Variants in MAN2A2 observed in about 807,000 individuals in gnomAD.
MAN2A2 encodes mannosidase alpha class 2A member 2.
A neutral mutation model predicts 126.8 loss-of-function variants in MAN2A2; 79 were observed. The observed-to-expected ratio is 0.62, with a 90% CI of 0.52 to 0.75. MAN2A2 has a LOEUF of 0.75. MAN2A2 is among the 30% of genes least tolerant of loss of function. MAN2A2 has a pLI of 0.00. For missense variants in MAN2A2, 1,392 were observed against 1,522.4 expected (o/e 0.91, Z 1.43); for synonymous variants, 671 against 618.7 (o/e 1.08, Z -1.25).
At position 90,919,797 on chromosome 15, in the gene MAN2A2, T is replaced by C; in HGVS notation, c.*10T>C. 6.2e-7 allele frequency: 1 copy of C among 1,613,844 alleles called. No homozygotes were observed. Among genetic ancestry groups the C allele is most frequent in the Non-Finnish European group, 8.5e-7 (1 of 1,179,808 alleles). On this transcript the variant is annotated 3_prime_UTR_variant, in exon 23 of 23. Transcript: ENST00000559717. ...CCTCCGCTTGGGTTAGGGCTTCTTG[T>C]GGCCTGAAGAGAAAGTTCATTCACA...
Position 90,904,171 on chromosome 15 carries a change from A to T in MAN2A2, c.-18-19A>T. On this transcript the variant is annotated intron_variant, in intron 1 of 22. Transcript: ENST00000559717. ...GGCATTTTGCATGTTGGAGCTACAG[A>T]TGGTGTCCTTCCTGCCAGGTGTGTG... The T allele has an allele frequency of 1.9e-6, 3 of 1,613,990 alleles. No homozygotes were observed. Among genetic ancestry groups the T allele is most frequent in the Non-Finnish European group, 1.7e-6 (2 of 1,179,904 alleles).
In MAN2A2 at chr15:90,905,329, A is replaced by G. The variant is rs1214570998; in HGVS notation, c.211A>G (p.Ile71Val). The change falls in exon 3 of 23, where the codon ATC (isoleucine) becomes GTC (valine). Residue 71 changes from isoleucine to valine, a missense_variant. Coordinates refer to ENST00000559717, the MANE Select transcript of MAN2A2 (RefSeq NM_006122.4). ...GGAGAACCATGAGATTATCAGCCAT[A>G]TCAAGGACTCCGTGCTGGAGCTGAC... ...LEENHEIISHIKDSVLELTAN... is the reference protein window; with the variant it reads ...LEENHEIISHVKDSVLELTAN... 1.9e-6 allele frequency: 3 copies of G among 1,613,924 alleles called. No homozygotes were observed. In the Admixed American group the frequency reaches 5.0e-5, roughly 27 times the overall value.
chr15:90,908,439 A>C (rs903269603), intron 8 of MAN2A2, among the ~76,000 whole-genome samples: 4 of 152,240 alleles, frequency 2.6e-5, no homozygotes, highest in African/African-American at 9.6e-5. Context: ...CTGATGTGCC[A>C]CAGGGCTGTT....
Position 90,910,681 on chromosome 15 carries a change from C to T in MAN2A2, c.1758C>T (p.Val586=), listed in dbSNP as rs2034656698. The T allele has an allele frequency of 6.2e-7, 1 of 1,613,638 alleles. No individual in the cohort carries two copies. Among genetic ancestry groups the T allele is most frequent in the South Asian group, 1.1e-5 (1 of 91,076 alleles). ...AGGCTGTGGTGGTGGACTATGGGGTCAGGTGGGAGCCTTCTCTTTTCCCTT... is the reference window on the plus strand; with the variant it reads ...AGGCTGTGGTGGTGGACTATGGGGTTAGGTGGGAGCCTTCTCTTTTCCCTT... ...AKEAVVVDYG[V]RLLRSLVNLK... The change falls in exon 11 of 23, where the codon GTC becomes GTT. Residue 586 remains valine, a splice_region_variant and synonymous_variant. Coordinates refer to ENST00000559717, the MANE Select transcript of MAN2A2 (RefSeq NM_006122.4).
rs200739221 is a variant in MAN2A2, at chr15:90,905,486, G to A, written c.368G>A (p.Arg123Gln). 60 of 1,613,872 alleles carry A rather than the reference G, an allele frequency of 3.7e-5. No homozygotes were observed. Among genetic ancestry groups the A allele is most frequent in the Non-Finnish European group, 4.6e-5 (54 of 1,180,030 alleles). ...GACTGCCAGTTTGCTTTGGGGGGCC[G>A]GGGTCAGAAGCCAGAGCTGCAGGTA... ...PQDCQFALGG[R>Q]GQKPELQMLT... Residue 123 changes from arginine to glutamine, a missense_variant, in exon 3 of 23, where the codon CGG (arginine) becomes CAG (glutamine). Coordinates refer to ENST00000559717, the MANE Select transcript of MAN2A2 (RefSeq NM_006122.4).
intron 22 of MAN2A2, 103 bp from the exon 23 acceptor site, chr15:90,919,532 C>G: frequency 7.1e-7 from 1 of 1,406,586 alleles, no homozygotes; most frequent in Non-Finnish European, 9.8e-7. Context: ...AGCCACTGCC[C>G]CTGGCTGAGA....
At chr15:90,915,163 T>C (rs573709692) in intron 19 of MAN2A2, among the ~76,000 whole-genome samples, 13 of 152,376 alleles carry the variant, frequency 8.5e-5, no homozygotes, top group African/African-American at 3.1e-4. Flanking sequence ...TCACTGGATC[T>C]TCTCCTCTCC....
chr15:90,909,605 C>CCTTTT (rs1491374744), intron 9 of MAN2A2, 101 bp downstream of exon 9: 6 of 849,456 alleles, frequency 7.1e-6, no homozygotes, highest in Non-Finnish European at 8.3e-6. Flanking sequence ...GGGTGCCCCC[C>CCTTTT]TTTTTTTTTT....
rs567061639 is a variant in MAN2A2 at position 90,906,873 on chromosome 15, T to C, written c.969T>C (p.Ala323=). The change falls in exon 7 of 23, where the codon GCT becomes GCC. Residue 323 remains alanine (A), a synonymous_variant. Transcript: ENST00000559717. Reference sequence around the variant, plus strand: ...ACTATGCCATCAAGAAGCACTTTGCTGCCACCCACAGCCTAGAGTTCATGT... The same window carrying C: ...ACTATGCCATCAAGAAGCACTTTGCCGCCACCCACAGCCTAGAGTTCATGT... ...RVHYAIKKHF[A]ATHSLEFMWR... 2 of 1,614,072 alleles carry C rather than the reference T, an allele frequency of 1.2e-6. No individual in the cohort carries two copies. Among genetic ancestry groups the C allele is most frequent in the Non-Finnish European group, 1.7e-6 (2 of 1,179,998 alleles).
intron 7 of MAN2A2, 120 bp from the exon 8 acceptor site, chr15:90,907,189 C>T: frequency 1.9e-6 from 2 of 1,046,266 alleles, no homozygotes; most frequent in Non-Finnish European, 2.8e-6. Context: ...CTCTCTCCAG[C>T]CCTAGGTCCA....
At chr15:90,916,729 A>T in intron 20 of MAN2A2, 2 of 1,142,090 alleles carry the variant, frequency 1.8e-6, no homozygotes, top group African/African-American at 1.6e-5. Flanking sequence ...CCCAGGTGAC[A>T]GAGCCCGCCA....
In MAN2A2 at chr15:90,916,164, G is replaced by A. The variant is rs2035160921; in HGVS notation, c.2902G>A (p.Asp968Asn). Residue 968 changes from aspartate to asparagine, a missense_variant, in exon 20 of 23, where the codon GAC becomes AAC. By Grantham distance (23) the Asp-to-Asn change is conservative. Coordinates refer to ENST00000559717, the MANE Select transcript of MAN2A2 (RefSeq NM_006122.4). ...VILDRRLMQD[D>N]NRGLGQGLKD... ...CTTGGACCGGCGGCTGATGCAGGAT[G>A]ACAACCGGGGCCTAGGCCAAGGGCT... The A allele has an allele frequency of 6.2e-7, 1 of 1,613,974 alleles. No individual in the cohort carries two copies. The highest frequency in any genetic ancestry group is 1.3e-5 in the African/African-American group (1 of 74,938).
chr15:90,904,161 G>A (rs2034057195), intron 1 of MAN2A2, 29 bp from the exon 2 acceptor site: 9 of 1,613,758 alleles, frequency 5.6e-6, no homozygotes, highest in Non-Finnish European at 7.6e-6. Flanking sequence ...TTTGCATGTT[G>A]GAGCTACAGA....
chr15:90,910,914 G>A lies in MAN2A2; in HGVS notation c.1828G>A (p.Asp610Asn), dbSNP rs200782205. Residue 610 changes from aspartate to asparagine, a missense_variant, in exon 12 of 23, where the codon GAC becomes AAC. Transcript: ENST00000559717. ...IHAAHYLVLG[D>N]KETYHFDPEA... Reference sequence around the variant, plus strand: ...TGCAGCCCACTATCTGGTGCTGGGGGACAAGGAGACCTACCACTTTGACCC... The same window carrying A: ...TGCAGCCCACTATCTGGTGCTGGGGAACAAGGAGACCTACCACTTTGACCC... 6.8e-6 allele frequency: 11 copies of A among 1,614,188 alleles called. No homozygotes were observed. The African/African-American group carries it at 1.5e-4, about 22-fold the overall frequency.
Position 90,916,225 on chromosome 15 carries a change from T to A in MAN2A2, c.2963T>A (p.Leu988His). 1 of 1,614,108 alleles carries A rather than the reference T, an allele frequency of 6.2e-7. No individual in the cohort carries two copies. Among genetic ancestry groups the A allele is most frequent in the Non-Finnish European group, 8.5e-7 (1 of 1,180,002 alleles). ...DNKRTCNRFR[L>H]LLERRTVGSE... The stretch of plus-strand genomic sequence containing the variant: ...AAGAGAACCTGCAACCGTTTCCGCC[T>A]CCTGCTAGAGCGGCGAACCGTGGGC... The change falls in exon 20 of 23, where the codon CTC becomes CAC. Residue 988 changes from leucine (L) to histidine (H), a missense_variant. Transcript: ENST00000559717.
At chr15:90,913,205 C>G in intron 17 of MAN2A2, 68 bp from the exon 18 acceptor site, 1 of 1,571,220 alleles carries the variant, frequency 6.4e-7, no homozygotes, top group Admixed American at 1.8e-5. Flanking sequence ...TCTGATCCCC[C>G]AGCCCAGCCT....
intron 8 of MAN2A2, among the ~76,000 whole-genome samples, 161 bp from the exon 9 acceptor site, chr15:90,909,166 C>A (rs2034526048): frequency 6.6e-6 from 1 of 152,172 alleles, no homozygotes; most frequent in South Asian, 2.1e-4. Flanking sequence ...GCACCGGACT[C>A]CCCTGGGGCT....
Position 90,918,893 on chromosome 15 carries a change from AT to A in MAN2A2, c.3300+139del, listed in dbSNP as rs1472635365. 7.5e-6 allele frequency: 5 copies of A among 663,064 alleles called. No homozygotes were observed. In the African/African-American group the frequency reaches 9.0e-5, roughly 12 times the overall value. The allele number at this position is 663,064 out of a possible 1,614,324, so 41.1% of individuals were successfully genotyped here. A position where few individuals can be genotyped will look rare whatever the true frequency, so the allele number is the denominator to read the frequency against. ...GGAGAGAAGGGGGGAAGCTGTAGAC[AT>A]GTTTTCAGAGCTCCGGAGGCCTGGC... On this transcript the variant is annotated intron_variant, in intron 22 of 22. Coordinates refer to ENST00000559717, the MANE Select transcript of MAN2A2 (RefSeq NM_006122.4).
chr15:90,912,815 C>T, intron 16 of MAN2A2, 62 bp from the exon 17 acceptor site: 4 of 1,558,188 alleles, frequency 2.6e-6, no homozygotes, highest in Non-Finnish European at 3.5e-6. Flanking sequence ...CAGCCCTGGG[C>T]TGGCACCTTC....
Sources: allele counts gnomAD v4.1 joint callset (sites outside exome capture counted in the v4.1 genomes callset), GRCh38; gene constraint gnomAD v4.1.1; transcripts MANE v1.5; gene names NCBI Gene and HGNC (gene_info 2026-07-23, HGNC 2026-07-21).